PARP8: variants seen among roughly 807,000 people sequenced by gnomAD.
The protein encoded by PARP8 is poly(ADP-ribose) polymerase family member 8, also known as protein mono-ADP-ribosyltransferase PARP8.
A neutral mutation model predicts 124.1 loss-of-function variants in PARP8; 51 were observed. The observed-to-expected ratio is 0.41, with a 90% CI of 0.33 to 0.52. PARP8 has a LOEUF of 0.52. PARP8 is among the 20% of genes least tolerant of loss of function. The pLI, the probability that PARP8 is intolerant of heterozygous loss-of-function variation, is 0.21. For missense variants in PARP8, 860 were observed against 1,018.9 expected, an observed-to-expected ratio of 0.84 and a Z score of 2.12; for synonymous variants, 391 against 361.5, an observed-to-expected ratio of 1.08 and a Z score of -0.93.
At chr5:50,800,098 T>C (rs1296150336) in intron 14 of PARP8, among the ~76,000 whole-genome samples, 1 of 152,248 alleles carries the variant, frequency 6.6e-6, no homozygotes, top group Non-Finnish European at 1.5e-5. Flanking sequence ...TATTTAGGCT[T>C]TTAAAATTTT....
chr5:50,758,224 C>T (rs1033709796), intron 3 of PARP8, among the ~76,000 whole-genome samples: 5 of 152,056 alleles, frequency 3.3e-5, no homozygotes, highest in South Asian at 2.1e-4. Context: ...TGGTCCCACT[C>T]GATAAGCATG....
chr5:50,683,607 A>G (rs1012735147), intron 2 of PARP8, among the ~76,000 whole-genome samples: 1 of 132,870 alleles, frequency 7.5e-6, no homozygotes, highest in African/African-American at 2.6e-5. Flanking sequence ...CATCTCACTG[A>G]CACATATTTT....
chr5:50,774,011 G>T (rs921285045), intron 7 of PARP8, among the ~76,000 whole-genome samples: 1 of 151,990 alleles, frequency 6.6e-6, no homozygotes, highest in African/African-American at 2.4e-5. Flanking sequence ...GTGTCCCTGG[G>T]TACTTGAGAT....
chr5:50,794,994 GT>G lies in PARP8; in HGVS notation c.1006del (p.Ser336HisfsTer19). 1 of 1,614,230 alleles carries G rather than the reference GT, an allele frequency of 6.2e-7. No individual in the cohort carries two copies. Among genetic ancestry groups the G allele is most frequent in the Non-Finnish European group, 8.5e-7 (1 of 1,180,044 alleles). On this transcript the variant is annotated frameshift_variant, in exon 12 of 26. Transcript: ENST00000281631. LOFTEE classifies it high-confidence loss of function. ...VKTDDVCVTKSHRTFGRSLSS... is the reference protein window; with the variant it reads ...VKTDDVCVTKXHRTFGRSLSS... ...AGACTGATGATGTGTGTGTCACAAA[GT>G]CACACAGGACCTTTGGCCGCTCCTT...
chr5:50,745,533 G>T (rs1464708470), intron 2 of PARP8, among the ~76,000 whole-genome samples: 1 of 152,084 alleles, frequency 6.6e-6, no homozygotes, highest in African/African-American at 2.4e-5. Flanking sequence ...CTTTTCTTAT[G>T]CCTCCCAGCT....
At position 50,833,993 on chromosome 5, in the gene PARP8, A is replaced by G. The variant is rs200578964; in HGVS notation, c.2322A>G (p.Gly774=). 4.3e-5 allele frequency: 70 copies of G among 1,612,242 alleles called. 1 individual carries two copies. The South Asian group carries it at 4.6e-4, about 11-fold the overall frequency. Residue 774 remains glycine, a synonymous_variant, in exon 24 of 26, where the codon GGA becomes GGG. Coordinates refer to ENST00000281631, the MANE Select transcript of PARP8 (RefSeq NM_024615.4). The part of the protein sequence containing the change: ...SSNTSQSQKK[G]QQSQFLQSRN... ...TTGGAATTTAGTCACAGAAAAAAGG[A>G]CAGCAATCCCAATTCCTGCAAAGCC...
chr5:50,757,176 G>T lies in PARP8; in HGVS notation c.185-2467G>T, dbSNP rs192333457. 1.3e-3 allele frequency: 604 copies of T among 455,726 alleles called. 1 individual carries two copies. Among genetic ancestry groups the T allele is most frequent in the Non-Finnish European group, 2.3e-3 (511 of 226,690 alleles). 28.2% of individuals were successfully genotyped at this position (455,726 alleles called of 1,614,324 possible). A position where few individuals can be genotyped will look rare whatever the true frequency, so the allele number is the denominator to read the frequency against. On this transcript the variant is annotated intron_variant, in intron 3 of 25. Coordinates refer to ENST00000281631, the MANE Select transcript of PARP8 (RefSeq NM_024615.4). ...GTGGAGATATTGCTTCAAGATCCTG[G>T]TTCCGTTTCCTGTGGATCTCAAAAG...
chr5:50,839,652 G>T (rs1010066384), intron 25 of PARP8, among the ~76,000 whole-genome samples: 1 of 120,074 alleles, frequency 8.3e-6, no homozygotes, highest in African/African-American at 3.2e-5. Flanking sequence ...TAAGCATACT[G>T]TCTCTCTCTT....
At chr5:50,668,924 A>T (rs1351474636) in intron 2 of PARP8, 1 of 152,250 alleles carries the variant, frequency 6.6e-6, no homozygotes, top group Non-Finnish European at 1.5e-5. Flanking sequence ...TCCTTAGACC[A>T]GCCCTGCTGT....
chr5:50,688,807 C>A (rs537447367), intron 2 of PARP8, among the ~76,000 whole-genome samples: 56 of 152,190 alleles, frequency 3.7e-4, no homozygotes, highest in Non-Finnish European at 7.6e-4. Context: ...TGGTTATGTA[C>A]ATTTTGTACC....
At chr5:50,775,077 G>A (rs1396836299) in intron 7 of PARP8, among the ~76,000 whole-genome samples, 1 of 150,840 alleles carries the variant, frequency 6.6e-6, no homozygotes, top group Non-Finnish European at 1.5e-5. Context: ...TCCCAGATGG[G>A]GCGGCCTGGC....
chr5:50,778,539 C>T (rs1740297569), intron 8 of PARP8, 21 bp from the exon 9 acceptor site: 4 of 1,546,594 alleles, frequency 2.6e-6, no homozygotes, highest in East Asian at 2.3e-5. Flanking sequence ...ATTAATTCAT[C>T]TTTTAAATAT....
chr5:50,752,366 G>C (rs1354575340), intron 3 of PARP8, among the ~76,000 whole-genome samples: 3 of 151,948 alleles, frequency 2.0e-5, no homozygotes, highest in African/African-American at 4.8e-5. Context: ...GAGCTTTTTA[G>C]GGATGGTTCT....
At chr5:50,756,346 G>A (rs542428357) in intron 3 of PARP8, among the ~76,000 whole-genome samples, 1 of 152,096 alleles carries the variant, frequency 6.6e-6, no homozygotes, top group South Asian at 2.1e-4. Flanking sequence ...ATTATTTTGA[G>A]ATACATCCCA....
In PARP8 at chr5:50,815,512, A is replaced by G. The variant is rs576480865; in HGVS notation, c.1656A>G (p.Ala552=). ...TGAATGAAGCTGCTGATGAAATAGC[A>G]ACTGGAGCTCAGGTAGTAACACAGG... The part of the protein sequence containing the change: ...GVMNEAADEI[A]TGAQVVDLLV... Residue 552 remains alanine (A), a synonymous_variant, in exon 15 of 26, where the codon GCA becomes GCG. Transcript: ENST00000281631. The G allele has an allele frequency of 1.1e-5, 17 of 1,592,972 alleles. No individual in the cohort carries two copies. In the South Asian group the frequency reaches 1.8e-4, roughly 17 times the overall value.
At chr5:50,824,234 A>G (rs150546117) in intron 17 of PARP8, among the ~76,000 whole-genome samples, 43 of 152,320 alleles carry the variant, frequency 2.8e-4, no homozygotes, top group African/African-American at 7.9e-4. Flanking sequence ...TGGCCCTCAC[A>G]AGCTTTGCTT....
intron 14 of PARP8, among the ~76,000 whole-genome samples, chr5:50,808,352 A>G (rs981687358): frequency 1.3e-5 from 2 of 151,984 alleles, no homozygotes; most frequent in African/African-American, 4.8e-5. Context: ...TACATTTTAT[A>G]TGTGAAAAGA....
At chr5:50,677,356 G>C (rs971902407) in intron 2 of PARP8, among the ~76,000 whole-genome samples, 1 of 151,196 alleles carries the variant, frequency 6.6e-6, no homozygotes, top group African/African-American at 2.4e-5. Context: ...GCTGAAAAGC[G>C]GTCATTACTT....
intron 2 of PARP8, among the ~76,000 whole-genome samples, chr5:50,728,847 G>T (rs113382088): frequency 2.4e-4 from 36 of 152,046 alleles, no homozygotes; most frequent in African/African-American, 7.7e-4. Context: ...AAATATTTTA[G>T]ACTAAGTTTT....
Sources: allele counts gnomAD v4.1 joint callset (sites outside exome capture counted in the v4.1 genomes callset), GRCh38; gene constraint gnomAD v4.1.1; transcripts MANE v1.5; gene names NCBI Gene and HGNC (gene_info 2026-07-23, HGNC 2026-07-21).